SELENOV: variants seen among roughly 807,000 people sequenced by gnomAD.
SELENOV encodes the protein selenoprotein V.
A neutral mutation model predicts 21.6 loss-of-function variants in SELENOV; 25 were observed. That is an observed-to-expected ratio of 1.16 (90% CI 0.84 to 1.62). SELENOV has a LOEUF of 1.62. Ranked by LOEUF, SELENOV falls within the 40% of genes most tolerant of loss-of-function variation. SELENOV has a pLI of 0.00. For missense variants in SELENOV, 472 were observed against 459.0 expected, an observed-to-expected ratio of 1.03 and a Z score of -0.26; for synonymous variants, 227 against 216.9, an observed-to-expected ratio of 1.05 and a Z score of -0.41.
chr19:39,517,271 C>T (rs1324958082), intron 1 of SELENOV, among the ~76,000 whole-genome samples: 2 of 152,098 alleles, frequency 1.3e-5, no homozygotes, highest in Non-Finnish European at 2.9e-5. Context: ...CTTTCTCTGA[C>T]TCCATGGATT....
rs998823659 is a variant in SELENOV, at chr19:39,518,777, C to T, written c.872C>T (p.Pro291Leu). ...AAAAAGAGCCTGGAGCAGCAATTTC[C>T]GAATCACCTACTCTTTGTAAGTGTG... is the stretch of plus-strand genomic sequence containing the variant. The change falls in exon 3 of 6, where the codon CCG becomes CTG. Residue 291 changes from proline to leucine, a missense_variant. By Grantham distance (98) the Pro-to-Leu change is moderately conservative. Transcript: ENST00000335426. 10 of 1,613,842 alleles carry T rather than the reference C, an allele frequency of 6.2e-6. No individual in the cohort carries two copies. The highest frequency in any genetic ancestry group is 2.2e-5 in the East Asian group (1 of 44,866).
At position 39,515,641 on chromosome 19, in the gene SELENOV, C is replaced by T; in HGVS notation, c.429C>T (p.Ser143=). 3.2e-6 allele frequency: 5 copies of T among 1,548,394 alleles called. No individual in the cohort carries two copies. Among genetic ancestry groups the T allele is most frequent in the South Asian group, 1.2e-5 (1 of 84,056 alleles). Residue 143 remains serine (S), a synonymous_variant, in exon 1 of 6, where the codon TCC becomes TCT. Transcript: ENST00000335426. This position sits in a 1 kb window ranked among gnomAD's most constrained non-coding sequence, Gnocchi z 5.1. ...GGGCCGCGCTCCCCGTCTTGGACTC[C>T]TACCTGGCCCCGGCCCTACCTTTGG...
chr19:39,518,390 A>G, intron 1 of SELENOV: 1 of 604,584 alleles, frequency 1.7e-6, no homozygotes, highest in Admixed American at 2.8e-5. Context: ...GAGAAGATGG[A>G]GACAGAGGGG....
At chr19:39,517,964 C>CAAAAAAAA (rs56157115) in intron 1 of SELENOV, among the ~76,000 whole-genome samples, 127 of 12,370 alleles carry the variant, frequency 0.01, 29 homozygotes, top group African/African-American at 0.021. Context: ...GACTCTGTCT[C>CAAAAAAAA]AAAAAAAAAA....
chr19:39,518,152 T>G (rs908095827), intron 1 of SELENOV, among the ~76,000 whole-genome samples: 2 of 149,768 alleles, frequency 1.3e-5, no homozygotes, highest in Non-Finnish European at 3.0e-5. Flanking sequence ...GCGCCTATAG[T>G]CCCAGCTACT....
At chr19:39,517,992 G>A (rs1458400545) in intron 1 of SELENOV, among the ~76,000 whole-genome samples, 239 of 26,272 alleles carry the variant, frequency 9.1e-3, no homozygotes, top group South Asian at 0.015. Flanking sequence ...AAAAAAAAAA[G>A]CCCAGCGCGG....
At chr19:39,518,814 G>A in intron 3 of SELENOV, 21 bp downstream of exon 3, 10 of 1,613,664 alleles carry the variant, frequency 6.2e-6, no homozygotes, top group Non-Finnish European at 7.6e-6. Context: ...GGGGGTCCTG[G>A]GGGAGAGGGG....
At chr19:39,518,676 A>C in intron 2 of SELENOV, 44 bp downstream of exon 2, 1 of 1,613,168 alleles carries the variant, frequency 6.2e-7, no homozygotes, top group Non-Finnish European at 8.5e-7. Context: ...CTGAGGCAGG[A>C]AGACTGGGAG....
intron 1 of SELENOV, among the ~76,000 whole-genome samples, chr19:39,518,305 G>C (rs372503147): frequency 6.4e-5 from 7 of 108,570 alleles, no homozygotes; most frequent in Non-Finnish European, 1.4e-4. Context: ...AAAAAAAAAA[G>C]AGAGAGAGAG....
chr19:39,516,015 C>T, exon 1 of SELENOV: 1 of 1,584,758 alleles, frequency 6.3e-7, no homozygotes, highest in Non-Finnish European at 8.6e-7. Flanking sequence ...ATTCGAGTGA[C>T]CTACTGGTGA....
chr19:39,516,986 C>T (rs1291847459), intron 1 of SELENOV, among the ~76,000 whole-genome samples: 2 of 151,934 alleles, frequency 1.3e-5, no homozygotes, highest in South Asian at 2.1e-4. Flanking sequence ...TGTGAGCCAC[C>T]GCGCCTGGCC....
In SELENOV at chr19:39,516,888, G is replaced by A. The variant is rs999890852; in HGVS notation, c.809+867G>A. Among the ~76,000 whole-genome samples the A allele has an allele frequency of 6.1e-4, 92 of 151,666 alleles. 1 individual carries two copies. Among genetic ancestry groups the A allele is most frequent in the Admixed American group, 6.6e-4 (10 of 15,188 alleles). On this transcript the variant is annotated intron_variant, in intron 1 of 5. Transcript: ENST00000335426. The stretch of plus-strand genomic sequence containing the variant: ...TTTTGTATTTTTTTTTAGTAGAGAC[G>A]GGGTTTCACCATGTTGGCCAGGCTG...
In SELENOV at chr19:39,515,331, G is replaced by A. The variant is rs755921170; in HGVS notation, c.119G>A (p.Arg40Gln). The change falls in exon 1 of 6, where the codon CGG (arginine) becomes CAG (glutamine). Residue 40 changes from arginine to glutamine, a missense_variant. Arg to Gln is a conservative substitution (Grantham distance 43). Transcript: ENST00000335426. The surrounding 1 kb of genome is among the most constrained non-coding windows in gnomAD (Gnocchi z 5.1). The stretch of plus-strand genomic sequence containing the variant: ...CGGACCCCGACTCCGGTCCGGACTC[G>A]GACCCCCATCCGGACCCTGACTCCA... The A allele has an allele frequency of 2.1e-4, 318 of 1,550,738 alleles. No homozygotes were observed. Among genetic ancestry groups the A allele is most frequent in the Non-Finnish European group, 2.0e-4 (232 of 1,146,678 alleles).
chr19:39,515,359 C>T lies in SELENOV; in HGVS notation c.147C>T (p.Val49=). ...CCCCCATCCGGACCCTGACTCCAGT[C>T]CTGACTCCGTCTCCAGCCGGGACTT... Residue 49 remains valine (V), a synonymous_variant, in exon 1 of 6, where the codon GTC becomes GTT. Coordinates refer to ENST00000335426, the Ensembl canonical transcript of SELENOV. This position sits in a 1 kb window ranked among gnomAD's most constrained non-coding sequence, Gnocchi z 5.1. 1 of 1,551,456 alleles carries T rather than the reference C, an allele frequency of 6.4e-7. No homozygotes were observed. Among genetic ancestry groups the T allele is most frequent in the Non-Finnish European group, 8.7e-7 (1 of 1,146,928 alleles).
At chr19:39,518,202 C>A (rs1048977486) in intron 1 of SELENOV, among the ~76,000 whole-genome samples, 1 of 147,484 alleles carries the variant, frequency 6.8e-6, no homozygotes, top group Non-Finnish European at 1.5e-5. Flanking sequence ...ACCCGGGAGG[C>A]GGAGCTTGCA....
intron 1 of SELENOV, chr19:39,516,368 A>AG (rs1270963293): frequency 9.4e-6 from 4 of 426,014 alleles, no homozygotes; most frequent in Non-Finnish European, 1.8e-5. Flanking sequence ...CGCACATGAT[A>AG]GGGGCTCTGG....
At chr19:39,520,457 T>C (rs2079722749) in exon 6 of SELENOV, 1 of 152,272 alleles carries the variant, frequency 6.6e-6, no homozygotes, top group South Asian at 2.1e-4. Context: ...GGATTCGTCA[T>C]TTCCCATGCC....
In SELENOV at chr19:39,520,134, C is replaced by G. The variant is rs2079721182; in HGVS notation, c.*23-12C>G. On this transcript the variant is annotated splice_polypyrimidine_tract_variant and intron_variant, in intron 5 of 5. Transcript: ENST00000335426. The stretch of plus-strand genomic sequence containing the variant: ...TGTTATTTAAAATTCTTTTCTTTCT[C>G]TCCCATCTTAGGAGTCTCAGCTGGA... The G allele has an allele frequency of 6.6e-6, 1 of 152,594 alleles. No homozygotes were observed. Among genetic ancestry groups the G allele is most frequent in the Admixed American group, 6.6e-5 (1 of 15,264 alleles). 9.5% of individuals were successfully genotyped at this position (152,594 alleles called of 1,614,324 possible). A position where few individuals can be genotyped will look rare whatever the true frequency, so the allele number is the denominator to read the frequency against.
chr19:39,518,219 T>C (rs577872612), intron 1 of SELENOV, among the ~76,000 whole-genome samples: 189 of 145,930 alleles, frequency 1.3e-3, no homozygotes, highest in African/African-American at 4.5e-3. Flanking sequence ...TGCAGTGAGC[T>C]GAGATCGCGC....
Sources: allele counts gnomAD v4.1 joint callset (sites outside exome capture counted in the v4.1 genomes callset), GRCh38; gene constraint gnomAD v4.1.1; non-coding constraint Gnocchi (gnomAD v3.1); transcripts MANE v1.5; gene names NCBI Gene and HGNC (gene_info 2026-07-23, HGNC 2026-07-21).